FGF14: variants seen among roughly 807,000 people sequenced by gnomAD.
The protein encoded by FGF14 is fibroblast growth factor 14, also known as fibroblast growth factor homologous factor 4.
A neutral mutation model predicts 25.5 loss-of-function variants in FGF14; 5 were observed. The observed-to-expected ratio is 0.20, with a 90% CI of 0.10 to 0.41. The LOEUF (loss-of-function observed/expected upper bound fraction) is 0.41. Among genes scored for constraint, FGF14 ranks in the 10% least tolerant of loss-of-function variants. The probability of loss-of-function intolerance (pLI) is 1.00; values close to 1 mark genes in which losing one functional copy is unlikely to be tolerated. For missense variants in FGF14, 222 were observed against 320.1 expected (o/e 0.69, Z 2.34); for synonymous variants, 138 against 118.3 (o/e 1.17, Z -1.08).
chr13:101,967,521 T>G (rs2037289247), intron 1 of FGF14: 1 of 152,182 alleles, frequency 6.6e-6, no homozygotes, highest in South Asian at 2.1e-4. Flanking sequence ...TTCTAATGAA[T>G]AACACAAGCA....
intron 3 of FGF14, among the ~76,000 whole-genome samples, chr13:101,745,502 A>G (rs1184721640): frequency 6.6e-6 from 1 of 152,100 alleles, no homozygotes. Flanking sequence ...TGTGTCCCAC[A>G]CATTCATCAA....
At chr13:101,904,476 C>T (rs969592026) in intron 1 of FGF14, among the ~76,000 whole-genome samples, 1 of 152,086 alleles carries the variant, frequency 6.6e-6, no homozygotes, top group African/African-American at 2.4e-5. Flanking sequence ...TATGATGACA[C>T]CAGTTATTGC....
chr13:101,833,838 T>C (rs1200835110), intron 3 of FGF14, among the ~76,000 whole-genome samples: 2 of 152,136 alleles, frequency 1.3e-5, no homozygotes, highest in Non-Finnish European at 2.9e-5. Context: ...GCTGTTTAAT[T>C]GTAGACTTGG....
intron 1 of FGF14, chr13:102,293,011 CGAT>C (rs1042830852): frequency 6.6e-6 from 1 of 152,206 alleles, no homozygotes; most frequent in Non-Finnish European, 1.5e-5. Flanking sequence ...TCTCCAGGAT[CGAT>C]GATTAAGGAA....
intron 3 of FGF14, among the ~76,000 whole-genome samples, chr13:101,863,191 C>T (rs1482949932): frequency 2.0e-5 from 3 of 151,982 alleles, no homozygotes; most frequent in Non-Finnish European, 4.4e-5. Context: ...AAGAAACCAA[C>T]CTGTTCAGAG....
At chr13:102,346,625 C>T (rs760201498) in intron 1 of FGF14, among the ~76,000 whole-genome samples, 27 of 151,814 alleles carry the variant, frequency 1.8e-4, no homozygotes, top group Non-Finnish European at 3.4e-4. Flanking sequence ...CATATACATA[C>T]ACACATTACA....
rs568292869 is a variant in FGF14 at position 102,159,730 on chromosome 13, G to A, written c.208+241741C>T. On this transcript the variant is annotated intron_variant, in intron 1 of 4. Transcript: ENST00000376131. ...GAATTTAACATGCATTTGATTAAGT[G>A]CCAAATTACAACATACAGTTAGTAT... Among the ~76,000 whole-genome samples the A allele has an allele frequency of 2.6e-5, 4 of 152,228 alleles. No homozygotes were observed. In the East Asian group the frequency reaches 7.7e-4, roughly 29 times the overall value.
In FGF14 at chr13:101,880,287, G is replaced by C. The variant is rs2045629578; in HGVS notation, c.194-4991C>G. On this transcript the variant is annotated intron_variant, in intron 1 of 4. Coordinates refer to ENST00000376143, the MANE Select transcript of FGF14 (RefSeq NM_004115.4). The stretch of plus-strand genomic sequence containing the variant: ...AGCATCTGGCATTAACAACAAACAG[G>C]CCAGGCACAGTGGCTCACGCCTGTA... Among the ~76,000 whole-genome samples, 3 of 152,168 alleles carry C rather than the reference G, an allele frequency of 2.0e-5. No individual in the cohort carries two copies. In the South Asian group the frequency reaches 6.2e-4, roughly 32 times the overall value.
chr13:101,824,421 T>C (rs1218717160), intron 3 of FGF14, among the ~76,000 whole-genome samples: 2 of 152,216 alleles, frequency 1.3e-5, no homozygotes, highest in Non-Finnish European at 2.9e-5. Context: ...TGCTCAGCCA[T>C]AGACTCTGCA....
intron 1 of FGF14, among the ~76,000 whole-genome samples, chr13:102,200,906 T>C (rs2049595027): frequency 6.6e-6 from 1 of 151,620 alleles, no homozygotes; most frequent in East Asian, 1.9e-4. Context: ...ATCGAGACCA[T>C]CTTGGCTAAC....
intron 1 of FGF14, among the ~76,000 whole-genome samples, chr13:102,211,419 T>C (rs1437152552): frequency 2.0e-5 from 3 of 152,116 alleles, no homozygotes; most frequent in South Asian, 2.1e-4. Context: ...TTAGTCAGAA[T>C]TGATGTGTTC....
chr13:101,821,157 C>T (rs1462566800), intron 3 of FGF14, among the ~76,000 whole-genome samples: 1 of 152,164 alleles, frequency 6.6e-6, no homozygotes, highest in East Asian at 1.9e-4. Flanking sequence ...ACCGTGTCAG[C>T]CAGGATGTTC....
chr13:101,713,953 T>C lies in FGF14; in HGVS notation c.*8878A>G, dbSNP rs2034596451. 1 of 155,370 alleles carries C rather than the reference T, an allele frequency of 6.4e-6. No individual in the cohort carries two copies. The highest frequency in any genetic ancestry group is 1.4e-5 in the Non-Finnish European group (1 of 70,194). The allele number at this position is 155,370 out of a possible 1,614,324, so 9.6% of individuals were successfully genotyped here. On this transcript the variant is annotated 3_prime_UTR_variant, in exon 5 of 5. Transcript: ENST00000376143. ...TTAGCCACCCAATATGCAGGTGTGC[T>C]CCTACTCCAAGAAAATCATGTAAAC...
At chr13:101,953,600 T>A (rs193288175) in intron 1 of FGF14, among the ~76,000 whole-genome samples, 28 of 150,410 alleles carry the variant, frequency 1.9e-4, no homozygotes, top group South Asian at 4.2e-4. Context: ...TTTTTATTTT[T>A]TTTTTTTGAG....
intron 1 of FGF14, among the ~76,000 whole-genome samples, chr13:102,095,415 A>T (rs534744627): frequency 6.6e-6 from 1 of 152,204 alleles, no homozygotes; most frequent in Admixed American, 6.5e-5. Flanking sequence ...AGGCCCCTCT[A>T]TGAGACAGGA....
chr13:101,916,357 C>T lies in FGF14; in HGVS notation c.193+96G>A, dbSNP rs2033489172. On this transcript the variant is annotated intron_variant, in intron 1 of 4. Transcript: ENST00000376143. The stretch of plus-strand genomic sequence containing the variant: ...AAGGGAGGCCGGGGCCGGGGTGGGC[C>T]GGGAAAACCGAGGGAGGGAAGGAGC... The T allele has an allele frequency of 4.7e-6, 7 of 1,478,376 alleles. No homozygotes were observed. The South Asian group carries it at 8.0e-5, about 17-fold the overall frequency. The allele number at this position is 1,478,376 out of a possible 1,614,324, so 91.6% of individuals were successfully genotyped here.
chr13:102,223,396 A>G (rs1044108142), intron 1 of FGF14, among the ~76,000 whole-genome samples: 1 of 152,142 alleles, frequency 6.6e-6, no homozygotes, highest in Non-Finnish European at 1.5e-5. Flanking sequence ...AATCCTCCCA[A>G]TTAATTCCAT....
intron 1 of FGF14, among the ~76,000 whole-genome samples, chr13:101,889,098 G>A (rs2046138349): frequency 6.6e-6 from 1 of 152,140 alleles, no homozygotes; most frequent in East Asian, 1.9e-4. Context: ...GGCCTCAGGA[G>A]AAATCAAGCA....
chr13:102,306,278 T>C (rs1197228627), intron 1 of FGF14, among the ~76,000 whole-genome samples: 1 of 152,174 alleles, frequency 6.6e-6, no homozygotes, highest in Non-Finnish European at 1.5e-5. Context: ...AGGCACTGTA[T>C]TTGGTGCTAA....
Sources: allele counts gnomAD v4.1 joint callset (sites outside exome capture counted in the v4.1 genomes callset), GRCh38; gene constraint gnomAD v4.1.1; transcripts MANE v1.5; gene names NCBI Gene and HGNC (gene_info 2026-07-23, HGNC 2026-07-21).